Variants in TMEM202 observed in about 807,000 individuals in gnomAD.
TMEM202 encodes the protein transmembrane protein 202.
In TMEM202, 25 loss-of-function variants were observed where a neutral mutation model predicts 26.1. The observed-to-expected ratio is 0.96, with a 90% CI of 0.70 to 1.34. The LOEUF (loss-of-function observed/expected upper bound fraction) is 1.34. TMEM202 is among the 40% of genes most tolerant of loss of function. TMEM202 has a pLI of 0.00. For missense variants in TMEM202, 301 were observed against 327.7 expected (o/e 0.92, Z 0.63); for synonymous variants, 122 against 119.0 (o/e 1.02, Z -0.16).
In TMEM202 at chr15:72,398,744, C is replaced by T. The variant is rs147492128; in HGVS notation, c.173C>T (p.Thr58Met). 9.2e-4 allele frequency: 1,481 copies of T among 1,614,196 alleles called. No homozygotes were observed. The highest frequency in any genetic ancestry group is 1.2e-3 in the Non-Finnish European group (1,433 of 1,180,040). ...LMDQAHIYIR[T>M]LCGSLCSFSL... is the part of the protein sequence containing the mutation. Reference sequence around the variant, plus strand: ...GATCAGGCACACATCTACATCCGAACGCTCTGTGGCAGCCTCTGTAGTTTT... The same window carrying T: ...GATCAGGCACACATCTACATCCGAATGCTCTGTGGCAGCCTCTGTAGTTTT... The change falls in exon 2 of 5, where the codon ACG becomes ATG. Residue 58 changes from threonine (T) to methionine (M), a missense_variant. Physicochemically the swap from Thr to Met is moderately conservative, Grantham distance 81. Coordinates refer to ENST00000341689, the MANE Select transcript of TMEM202 (RefSeq NM_001080462.3).
Position 72,407,144 on chromosome 15 carries a change from G to A in TMEM202, c.546G>A (p.Arg182=). ...TGGCACAGGTTCACTGGCATACTAG[G>A]GATGCCATGGAGTCAGATCTCCTAT... The part of the protein sequence containing the change: ...LFVAQVHWHT[R]DAMESDLLWT... Residue 182 remains arginine, a synonymous_variant, in exon 4 of 5, where the codon AGG becomes AGA. Coordinates refer to ENST00000341689, the MANE Select transcript of TMEM202 (RefSeq NM_001080462.3). 2 of 1,613,310 alleles carry A rather than the reference G, an allele frequency of 1.2e-6. No homozygotes were observed. Among genetic ancestry groups the A allele is most frequent in the Non-Finnish European group, 1.7e-6 (2 of 1,179,804 alleles).
chr15:72,407,950 G>A lies in TMEM202; in HGVS notation c.*57G>A, dbSNP rs2063581687. The A allele has an allele frequency of 6.9e-7, 1 of 1,438,986 alleles. No homozygotes were observed. The highest frequency in any genetic ancestry group is 9.6e-7 in the Non-Finnish European group (1 of 1,040,196). The allele number at this position is 1,438,986 out of a possible 1,614,324, so 89.1% of individuals were successfully genotyped here. Reference sequence around the variant, plus strand: ...GCAGGGGAGAAGCTGAGTTGGGAATGGTCACATAAATTCTGGGAAACTCTC... The same window carrying A: ...GCAGGGGAGAAGCTGAGTTGGGAATAGTCACATAAATTCTGGGAAACTCTC... On this transcript the variant is annotated 3_prime_UTR_variant, in exon 5 of 5. Transcript: ENST00000341689.
At position 72,406,651 on chromosome 15, in the gene TMEM202, A is replaced by G. The variant is rs2140359806; in HGVS notation, c.387A>G (p.Ile129Met). The G allele has an allele frequency of 6.2e-7, 1 of 1,613,818 alleles. No individual in the cohort carries two copies. The highest frequency in any genetic ancestry group is 8.5e-7 in the Non-Finnish European group (1 of 1,179,896). Residue 129 changes from isoleucine to methionine, a missense_variant, in exon 3 of 5, where the codon ATA (isoleucine) becomes ATG (methionine). Transcript: ENST00000341689. ...RAFFLISVFTILTGLGWLFSS... is the reference protein window; with the variant it reads ...RAFFLISVFTMLTGLGWLFSS... ...TCTTTCTCATCTCTGTCTTTACCAT[A>G]CTTACTGGCCTTGGCTGGCTCTTCA...
chr15:72,405,356 T>C (rs1467255079), intron 2 of TMEM202, among the ~76,000 whole-genome samples: 2 of 152,318 alleles, frequency 1.3e-5, no homozygotes, highest in South Asian at 4.1e-4. Flanking sequence ...CTATAGCTAC[T>C]TGTAATTATA....
intron 4 of TMEM202, 21 bp from the exon 5 acceptor site, chr15:72,407,670 C>CT: frequency 6.2e-7 from 1 of 1,612,018 alleles, no homozygotes; most frequent in South Asian, 1.1e-5. Context: ...AACCTCACCT[C>CT]AAATTATTCC....
intron 2 of TMEM202, among the ~76,000 whole-genome samples, chr15:72,402,326 C>T (rs1228843705): frequency 1.3e-5 from 2 of 152,210 alleles, no homozygotes; most frequent in Non-Finnish European, 1.5e-5. Flanking sequence ...CTTTTACCTA[C>T]TGGATTGCAA....
chr15:72,405,495 A>T (rs1213612451), intron 2 of TMEM202, among the ~76,000 whole-genome samples: 1 of 152,174 alleles, frequency 6.6e-6, no homozygotes, highest in Non-Finnish European at 1.5e-5. Flanking sequence ...TCCAGTCCGC[A>T]GTGGCAGAGC....
intron 2 of TMEM202, among the ~76,000 whole-genome samples, chr15:72,402,152 G>A (rs2063550383): frequency 6.6e-6 from 1 of 152,090 alleles, no homozygotes; most frequent in African/African-American, 2.4e-5. Context: ...TTTTAGTAGA[G>A]ATGGGGTTTC....
In TMEM202 at chr15:72,398,873, A is replaced by G. The variant is rs1045079962; in HGVS notation, c.302A>G (p.His101Arg). Residue 101 changes from histidine (H) to arginine (R), a missense_variant, in exon 2 of 5, where the codon CAT becomes CGT. Coordinates refer to ENST00000341689, the MANE Select transcript of TMEM202 (RefSeq NM_001080462.3). ...GCAGGACTCTGGACCTTATGCAACC[A>G]TGAGCTGTGCTGGAGCCACACACCC... The part of the protein sequence containing the change: ...LYAGLWTLCN[H>R]ELCWSHTPKP... The G allele has an allele frequency of 1.9e-6, 3 of 1,612,792 alleles. No individual in the cohort carries two copies. Among genetic ancestry groups the G allele is most frequent in the Non-Finnish European group, 2.5e-6 (3 of 1,179,200 alleles).
At chr15:72,407,264 G>C (rs755292506) in intron 4 of TMEM202, 47 bp downstream of exon 4, 1 of 1,602,266 alleles carries the variant, frequency 6.2e-7, no homozygotes, top group Non-Finnish European at 8.5e-7. Context: ...TAGGGAAATC[G>C]CTTCTGGAAA....
At chr15:72,407,596 C>G (rs569434648) in intron 4 of TMEM202, 95 bp from the exon 5 acceptor site, 4 of 1,093,390 alleles carry the variant, frequency 3.7e-6, no homozygotes, top group Non-Finnish European at 5.4e-6. Flanking sequence ...TGAAAAGATG[C>G]CTCTTGAACT....
chr15:72,398,746 C>T lies in TMEM202; in HGVS notation c.175C>T (p.Leu59Phe). Residue 59 changes from leucine (L) to phenylalanine (F), a missense_variant, in exon 2 of 5, where the codon CTC (leucine) becomes TTC (phenylalanine). Transcript: ENST00000341689. ...MDQAHIYIRT[L>F]CGSLCSFSLL... ...TCAGGCACACATCTACATCCGAACG[C>T]TCTGTGGCAGCCTCTGTAGTTTTAG... is the stretch of plus-strand genomic sequence containing the variant. 1 of 1,614,200 alleles carries T rather than the reference C, an allele frequency of 6.2e-7. No individual in the cohort carries two copies. Among genetic ancestry groups the T allele is most frequent in the Non-Finnish European group, 8.5e-7 (1 of 1,180,040 alleles).
At chr15:72,406,806 A>G (rs2063574033) in intron 3 of TMEM202, 55 bp downstream of exon 3, 4 of 1,577,320 alleles carry the variant, frequency 2.5e-6, no homozygotes, top group Non-Finnish European at 3.5e-6. Context: ...CAAGGTAACA[A>G]ATTTTCTCTG....
intron 2 of TMEM202, among the ~76,000 whole-genome samples, chr15:72,400,885 A>C (rs375675997): frequency 5.3e-5 from 8 of 152,354 alleles, no homozygotes; most frequent in African/African-American, 1.9e-4. Context: ...AATTATATTC[A>C]TAAGTTTTTG....
intron 2 of TMEM202, among the ~76,000 whole-genome samples, chr15:72,401,913 C>T (rs2063549157): frequency 1.3e-5 from 2 of 152,150 alleles, no homozygotes; most frequent in Admixed American, 1.3e-4. Context: ...CAGGCCTCAT[C>T]TCCCTGTGAC....
intron 2 of TMEM202, among the ~76,000 whole-genome samples, chr15:72,406,119 G>A (rs1263679937): frequency 4.0e-5 from 6 of 151,322 alleles, no homozygotes; most frequent in Non-Finnish European, 7.4e-5. Flanking sequence ...AGATAATGGG[G>A]AAAATCACAT....
At chr15:72,399,843 T>C (rs572221229) in intron 2 of TMEM202, among the ~76,000 whole-genome samples, 5 of 152,190 alleles carry the variant, frequency 3.3e-5, no homozygotes, top group Non-Finnish European at 5.9e-5. Flanking sequence ...CCGCAAGATA[T>C]ACATTTACAC....
rs1317426788 is a variant in TMEM202, at chr15:72,407,269, TG to T, written c.619+54del. The T allele has an allele frequency of 6.3e-6, 10 of 1,597,286 alleles. No homozygotes were observed. In the East Asian group the frequency reaches 2.2e-4, roughly 36 times the overall value. ...GAAGGATGGATAGGGAAATCGCTTC[TG>T]GAAAGGGAGGTATAATCCAGGAGAA... On this transcript the variant is annotated intron_variant, in intron 4 of 4. Transcript: ENST00000341689.
rs182712946 is a variant in TMEM202, at chr15:72,406,238, G to A, written c.338-364G>A. On this transcript the variant is annotated intron_variant, in intron 2 of 4. Transcript: ENST00000341689. ...ATGGTTGCCTCTAGGTAGTCAAATT[G>A]TGGCTAATTTTTTTCCTGCTTCTTT... Among the ~76,000 whole-genome samples the A allele has an allele frequency of 1.4e-3, 212 of 152,204 alleles. 1 individual carries two copies. The highest frequency in any genetic ancestry group is 2.6e-3 in the Non-Finnish European group (180 of 68,008).
Sources: gnomAD v4.1 joint callset for allele counts (sites outside exome capture counted in the v4.1 genomes callset) on GRCh38, gnomAD v4.1.1 for gene constraint, MANE v1.5 for transcripts, NCBI Gene and HGNC (gene_info 2026-07-23, HGNC 2026-07-21) for gene names.